The following IFT57 variants were observed in gnomAD, a reference collection of about 807,000 sequenced individuals.
IFT57 encodes intraflagellar transport protein 57 homolog.
IFT57 carries 59 observed loss-of-function variants against 56.8 expected under a neutral mutation model. That is an observed-to-expected ratio of 1.04 (90% CI 0.84 to 1.29). The LOEUF is 1.29. IFT57 is among the 50% of genes most tolerant of loss of function. IFT57 has a pLI of 0.00. For missense variants in IFT57, 470 were observed against 522.1 expected (o/e 0.90, Z 0.97); for synonymous variants, 209 against 186.1 (o/e 1.12, Z -1.00).
intron 4 of IFT57, among the ~76,000 whole-genome samples, chr3:108,213,116 G>T (rs550879697): frequency 6.6e-6 from 1 of 152,104 alleles, no homozygotes; most frequent in East Asian, 1.9e-4. Context: ...TAAGAATACA[G>T]TATATAATAC....
intron 4 of IFT57, among the ~76,000 whole-genome samples, chr3:108,212,281 T>C (rs2080346180): frequency 6.6e-6 from 1 of 152,152 alleles, no homozygotes; most frequent in Admixed American, 6.5e-5. Flanking sequence ...CTCACTCTAT[T>C]GCCCAGGTTA....
chr3:108,221,898 C>A, intron 1 of IFT57: 5 of 996,338 alleles, frequency 5.0e-6, no homozygotes, highest in Non-Finnish European at 7.1e-6. Context: ...CGTTCCAAAA[C>A]TTATTTATTC....
intron 6 of IFT57, among the ~76,000 whole-genome samples, chr3:108,171,016 A>C (rs2080089283): frequency 6.6e-6 from 1 of 151,946 alleles, no homozygotes; most frequent in Non-Finnish European, 1.5e-5. Context: ...CTATTTCTTC[A>C]TTGCACATAT....
intron 4 of IFT57, among the ~76,000 whole-genome samples, chr3:108,206,922 T>C (rs1439914008): frequency 6.6e-6 from 1 of 152,008 alleles, no homozygotes. Flanking sequence ...AATAGAACCA[T>C]TTTTGTAGTC....
chr3:108,165,568 T>C, intron 8 of IFT57, 75 bp from the exon 9 acceptor site: 2 of 1,131,870 alleles, frequency 1.8e-6, no homozygotes, highest in East Asian at 2.4e-5. Flanking sequence ...CTCTTTGTGT[T>C]TGCAATTTCT....
At chr3:108,184,568 A>G (rs1290392783) in intron 6 of IFT57, among the ~76,000 whole-genome samples, 1 of 152,102 alleles carries the variant, frequency 6.6e-6, no homozygotes, top group Non-Finnish European at 1.5e-5. Flanking sequence ...ATGCACACAA[A>G]CACAGACTGT....
intron 4 of IFT57, among the ~76,000 whole-genome samples, chr3:108,206,927 G>A (rs960247468): frequency 1.3e-5 from 2 of 151,818 alleles, no homozygotes; most frequent in Admixed American, 1.3e-4. Context: ...AACCATTTTT[G>A]TAGTCAATAA....
rs906070248 is a variant in IFT57 at position 108,175,194 on chromosome 3, C to T, written c.778-7330G>A. 3.3e-5 allele frequency among the ~76,000 whole-genome samples: 5 copies of T among 151,752 alleles called. 1 individual carries two copies. The highest frequency in any genetic ancestry group is 4.1e-4 in the South Asian group (2 of 4,822). On this transcript the variant is annotated intron_variant, in intron 6 of 10. Transcript: ENST00000264538. ...GGTCACCTATTCTAAAGTGCTCTAA[C>T]GTGTTCATTAGGCATCATTTCTTCT...
At chr3:108,209,488 A>G (rs1458885072) in intron 4 of IFT57, among the ~76,000 whole-genome samples, 1 of 152,150 alleles carries the variant, frequency 6.6e-6, no homozygotes, top group East Asian at 1.9e-4. Context: ...TCGACTTTTG[A>G]TGGTAAATTT....
rs1193339241 is a variant in IFT57 at position 108,161,416 on chromosome 3, AAAT to A, written c.*1058_*1060del. On this transcript the variant is annotated 3_prime_UTR_variant, in exon 11 of 11. Transcript: ENST00000264538. ...ATCTAGAAAGAAAAAGCTAAGAAAA[AAAT>A]AATAATATTCAGTGGAGAAAAGTAT... 2.0e-5 allele frequency: 3 copies of A among 152,164 alleles called. No individual in the cohort carries two copies. Among genetic ancestry groups the A allele is most frequent in the East Asian group, 1.9e-4 (1 of 5,196 alleles). 9.4% of individuals were successfully genotyped at this position (152,164 alleles called of 1,614,324 possible). A position where few individuals can be genotyped will look rare whatever the true frequency, so the allele number is the denominator to read the frequency against.
At chr3:108,203,352 C>T (rs967955069) in intron 5 of IFT57, among the ~76,000 whole-genome samples, 6 of 152,206 alleles carry the variant, frequency 3.9e-5, no homozygotes, top group African/African-American at 1.4e-4. Flanking sequence ...ACACAACCTG[C>T]TTATGACATG....
chr3:108,185,529 A>G (rs920058604), intron 6 of IFT57, among the ~76,000 whole-genome samples: 2 of 150,018 alleles, frequency 1.3e-5, no homozygotes, highest in African/African-American at 2.5e-5. Flanking sequence ...GACATTTATT[A>G]CTAAGAGATG....
Position 108,222,365 on chromosome 3 carries a change from C to A in IFT57, c.-43G>T. ...CCAGCGTGGGCTCAGGCCCACAGACCTCTGCGGCCTAAGCCGCCAGCCCTG... is the reference window on the plus strand; with the variant it reads ...CCAGCGTGGGCTCAGGCCCACAGACATCTGCGGCCTAAGCCGCCAGCCCTG... On this transcript the variant is annotated 5_prime_UTR_variant, in exon 1 of 11. In the 5' UTR this introduces an upstream ATG that the reference lacks. Coordinates refer to ENST00000264538, the MANE Select transcript of IFT57 (RefSeq NM_018010.4). The A allele has an allele frequency of 1.3e-6, 2 of 1,536,782 alleles. No individual in the cohort carries two copies. The highest frequency in any genetic ancestry group is 1.8e-6 in the Non-Finnish European group (2 of 1,142,798).
At chr3:108,173,074 A>G (rs979636106) in intron 6 of IFT57, among the ~76,000 whole-genome samples, 1 of 151,922 alleles carries the variant, frequency 6.6e-6, no homozygotes, top group African/African-American at 2.4e-5. Context: ...AGATTAATGT[A>G]CAAGTTACTG....
intron 5 of IFT57, among the ~76,000 whole-genome samples, chr3:108,192,243 A>G (rs1349989659): frequency 2.0e-5 from 3 of 151,964 alleles, no homozygotes; most frequent in Admixed American, 2.0e-4. Context: ...CCCAAATCTG[A>G]AAGACAAAAT....
In IFT57 at chr3:108,222,133, T is replaced by C. The variant is rs780489612; in HGVS notation, c.190A>G (p.Ser64Gly). 1.9e-6 allele frequency: 3 copies of C among 1,610,088 alleles called. No homozygotes were observed. The South Asian group carries it at 3.3e-5, about 18-fold the overall frequency. The change falls in exon 1 of 11, where the codon AGC (serine) becomes GGC (glycine). Residue 64 changes from serine (S) to glycine (G), a missense_variant. Physicochemically the swap from Ser to Gly is moderately conservative, Grantham distance 56. Coordinates refer to ENST00000264538, the MANE Select transcript of IFT57 (RefSeq NM_018010.4). ...LRYEEEFLRK[S>G]NLKAPSRHYF... The stretch of plus-strand genomic sequence containing the variant: ...CACCTGGACGGGGCCTTCAGGTTGC[T>C]CTTCCGGAGGAACTCCTCCTCGTAG...
At chr3:108,220,402 A>G (rs1008199836) in intron 1 of IFT57, among the ~76,000 whole-genome samples, 2 of 152,252 alleles carry the variant, frequency 1.3e-5, no homozygotes, top group East Asian at 3.8e-4. Context: ...CAATGTATTT[A>G]CAACTATTAT....
At chr3:108,175,386 G>A (rs73850825) in intron 6 of IFT57, among the ~76,000 whole-genome samples, 2,079 of 151,804 alleles carry the variant, frequency 0.014, 43 homozygotes, top group African/African-American at 0.047. Flanking sequence ...AATAGCAAAG[G>A]TATCATTGTA....
rs2080031578 is a variant in IFT57 at position 108,161,464 on chromosome 3, T to C, written c.*1013A>G. 1 of 152,090 alleles carries C rather than the reference T, an allele frequency of 6.6e-6. No individual in the cohort carries two copies. Among genetic ancestry groups the C allele is most frequent in the African/African-American group, 2.4e-5 (1 of 41,418 alleles). The allele number at this position is 152,090 out of a possible 1,614,324, so 9.4% of individuals were successfully genotyped here. The stretch of plus-strand genomic sequence containing the variant: ...AAGTATTAGGGTAAAAAATAACTTT[T>C]TAAAATTATTTTTGTTGTCCTAAAC... On this transcript the variant is annotated 3_prime_UTR_variant, in exon 11 of 11. Transcript: ENST00000264538.
Sources: gnomAD v4.1 joint callset for allele counts (sites outside exome capture counted in the v4.1 genomes callset) on GRCh38, gnomAD v4.1.1 for gene constraint, MANE v1.5 for transcripts, NCBI Gene and HGNC (gene_info 2026-07-23, HGNC 2026-07-21) for gene names.